The following SLC26A3 variants were observed in gnomAD, a reference collection of about 807,000 sequenced individuals.
SLC26A3 encodes solute carrier family 26 member 3.
Under a neutral mutation model 85.6 loss-of-function variants are expected in SLC26A3, and 64 were observed. That is an observed-to-expected ratio of 0.75 (90% confidence interval 0.61 to 0.92). SLC26A3 has a LOEUF of 0.92. Ranked by LOEUF, SLC26A3 falls within the 40% of genes least tolerant of loss-of-function variation. The pLI, the probability that SLC26A3 is intolerant of heterozygous loss-of-function variation, is 0.00. For synonymous variants in SLC26A3, 349 were observed against 336.0 expected, an observed-to-expected ratio of 1.04 and a Z score of -0.42; for missense variants, 922 against 927.3, an observed-to-expected ratio of 0.99 and a Z score of 0.07.
At chr7:107,782,386 A>C (rs1237240270) in intron 11 of SLC26A3, among the ~76,000 whole-genome samples, 4 of 152,190 alleles carry the variant, frequency 2.6e-5, no homozygotes, top group African/African-American at 9.7e-5. Flanking sequence ...AAGTTCTAGA[A>C]GCTTCAGGGT....
At chr7:107,792,782 A>G (rs781274890) in intron 3 of SLC26A3, among the ~76,000 whole-genome samples, 3 of 152,236 alleles carry the variant, frequency 2.0e-5, no homozygotes, top group Non-Finnish European at 4.4e-5. Context: ...TTCAAAGGAT[A>G]CTATCAAGAA....
At chr7:107,781,189 A>C (rs1794210191) in intron 11 of SLC26A3, among the ~76,000 whole-genome samples, 1 of 152,182 alleles carries the variant, frequency 6.6e-6, no homozygotes, top group South Asian at 2.1e-4. Context: ...TTCCGCAGTA[A>C]TCTGGTATCC....
At chr7:107,797,325 C>G (rs1241381947) in intron 1 of SLC26A3, among the ~76,000 whole-genome samples, 3 of 152,126 alleles carry the variant, frequency 2.0e-5, no homozygotes, top group Non-Finnish European at 2.9e-5. Context: ...GAAAACTTGT[C>G]TCTACTAAAA....
At chr7:107,801,985 G>C (rs910057470) in intron 1 of SLC26A3, among the ~76,000 whole-genome samples, 5 of 151,204 alleles carry the variant, frequency 3.3e-5, no homozygotes, top group Admixed American at 6.6e-5. Flanking sequence ...TCAGCTACTT[G>C]GGGGGCTGAG....
At position 107,798,680 on chromosome 7, in the gene SLC26A3, G is replaced by C. The variant is rs117535180; in HGVS notation, c.-88-4083C>G. Among the ~76,000 whole-genome samples the C allele has an allele frequency of 7.8e-3, 1,192 of 152,208 alleles. 9 individuals are homozygous for C. The highest frequency in any genetic ancestry group is 0.012 in the Non-Finnish European group (814 of 68,008). On this transcript the variant is annotated intron_variant, in intron 1 of 20. Transcript: ENST00000340010. The stretch of plus-strand genomic sequence containing the variant: ...GTCACATTAGATGCCTCCACTCTTG[G>C]ACAAGGCAGCTCCTAGCAGCATCAC...
At chr7:107,773,562 T>G (rs977741784) in intron 17 of SLC26A3, among the ~76,000 whole-genome samples, 2 of 152,344 alleles carry the variant, frequency 1.3e-5, no homozygotes, top group Middle Eastern at 3.4e-3. Context: ...CAGTTTTTTT[T>G]GTTGCTGTTT....
intron 5 of SLC26A3, among the ~76,000 whole-genome samples, chr7:107,790,387 C>T (rs1455422207): frequency 6.6e-6 from 1 of 152,174 alleles, no homozygotes; most frequent in African/African-American, 2.4e-5. Context: ...AAATAACTAA[C>T]CAAATTGTCA....
intron 12 of SLC26A3, 78 bp from the exon 13 acceptor site, chr7:107,778,359 A>AATTTT: frequency 2.6e-4 from 120 of 452,920 alleles, no homozygotes; most frequent in Middle Eastern, 5.6e-4. Context: ...TTTTAAAAAG[A>AATTTT]CTTTTTTTTT....
chr7:107,767,886 G>T lies in SLC26A3; in HGVS notation c.2085C>A (p.Asn695Lys), dbSNP rs752038202. The change falls in exon 19 of 21, where the codon AAC becomes AAA. Residue 695 changes from asparagine (N) to lysine (K), a missense_variant. Physicochemically the swap from Asn to Lys is moderately conservative, Grantham distance 94. Transcript: ENST00000340010. ...CTTCACCATCAAAAAATTCATACCG[G>T]TTAAGCTTCTCAATGAAGTCATCTG... ...GTDDDFIEKL[N>K]RYEFFDGEVK... The T allele has an allele frequency of 9.9e-6, 16 of 1,613,354 alleles. No homozygotes were observed. Among genetic ancestry groups the T allele is most frequent in the African/African-American group, 1.3e-5 (1 of 74,882 alleles).
chr7:107,775,628 G>C (rs1038008521), intron 15 of SLC26A3, among the ~76,000 whole-genome samples: 2 of 151,386 alleles, frequency 1.3e-5, no homozygotes, highest in Non-Finnish European at 2.9e-5. Flanking sequence ...TCTACTTGGG[G>C]GGCTGAGGTA....
chr7:107,787,493 A>C lies in SLC26A3; in HGVS notation c.752T>G (p.Phe251Cys), dbSNP rs769410426. Residue 251 changes from phenylalanine (F) to cysteine (C), a missense_variant, in exon 7 of 21, where the codon TTC becomes TGC. Coordinates refer to ENST00000340010, the MANE Select transcript of SLC26A3 (RefSeq NM_000111.3). ...VSIFKVLYSV[F>C]SQIEKTNIAD... is the part of the protein sequence containing the mutation. Reference sequence around the variant, plus strand: ...AATATTAGTCTTCTCTATTTGTGAGAATACAGAGTATAGTACCTACAATTA... The same window carrying C: ...AATATTAGTCTTCTCTATTTGTGAGCATACAGAGTATAGTACCTACAATTA... 1 of 1,613,636 alleles carries C rather than the reference A, an allele frequency of 6.2e-7. No homozygotes were observed. The highest frequency in any genetic ancestry group is 8.5e-7 in the Non-Finnish European group (1 of 1,179,780).
chr7:107,776,639 C>T lies in SLC26A3; in HGVS notation c.1582G>A (p.Asp528Asn), dbSNP rs1562876376. ...NIYKNKKDYY[D>N]MYEPEGVKIF... The stretch of plus-strand genomic sequence containing the variant: ...AGAAAAACATGAATCTCCCTTACAT[C>T]ATAATAATCTTTTTTATTCTTATAG... Residue 528 changes from aspartate (D) to asparagine (N), a missense_variant and splice_region_variant, in exon 14 of 21, where the codon GAT becomes AAT. Coordinates refer to ENST00000340010, the MANE Select transcript of SLC26A3 (RefSeq NM_000111.3). 1 of 1,613,160 alleles carries T rather than the reference C, an allele frequency of 6.2e-7. No individual in the cohort carries two copies. Among genetic ancestry groups the T allele is most frequent in the South Asian group, 1.1e-5 (1 of 91,042 alleles).
At position 107,803,112 on chromosome 7, in the gene SLC26A3, T is replaced by G. The variant is rs554796886; in HGVS notation, c.-90A>C. 1.3e-5 allele frequency: 2 copies of G among 152,352 alleles called. No individual in the cohort carries two copies. The highest frequency in any genetic ancestry group is 4.8e-5 in the African/African-American group (2 of 41,452). The allele number at this position is 152,352 out of a possible 1,614,324, so 9.4% of individuals were successfully genotyped here. ...AACAATCATAAATTTGGTTCCTACC[T>G]GACACATACTCTGTGAGGAGCTTCT... On this transcript the variant is annotated splice_region_variant and 5_prime_UTR_variant, in exon 1 of 21. Coordinates refer to ENST00000340010, the MANE Select transcript of SLC26A3 (RefSeq NM_000111.3).
chr7:107,782,718 G>A, intron 11 of SLC26A3, 79 bp downstream of exon 11: 1 of 1,314,798 alleles, frequency 7.6e-7, no homozygotes. Flanking sequence ...CCCTAGTTTA[G>A]TTTGTGCTTT....
intron 1 of SLC26A3, among the ~76,000 whole-genome samples, chr7:107,794,817 A>G (rs1266794579): frequency 6.6e-6 from 1 of 152,224 alleles, no homozygotes; most frequent in Admixed American, 6.5e-5. Context: ...AATTTGCCAA[A>G]AAGTAACAAA....
chr7:107,799,454 G>T (rs968026816), intron 1 of SLC26A3, among the ~76,000 whole-genome samples: 7 of 152,000 alleles, frequency 4.6e-5, no homozygotes, highest in African/African-American at 1.7e-4. Flanking sequence ...GCAGTGGCGC[G>T]ATTTCATTTC....
At chr7:107,786,933 G>C in intron 7 of SLC26A3, 24 bp from the exon 8 acceptor site, 1 of 1,594,064 alleles carries the variant, frequency 6.3e-7, no homozygotes, top group East Asian at 2.2e-5. Flanking sequence ...AATGGCCCAA[G>C]TTAGAAATGT....
intron 11 of SLC26A3, among the ~76,000 whole-genome samples, chr7:107,780,097 C>T (rs1794192342): frequency 6.6e-6 from 1 of 151,632 alleles, no homozygotes; most frequent in African/African-American, 2.4e-5. Context: ...GGAATAAATT[C>T]CTCCCAAGCA....
At chr7:107,794,745 T>G (rs984355726) in intron 1 of SLC26A3, 148 bp from the exon 2 acceptor site, 1 of 520,564 alleles carries the variant, frequency 1.9e-6, no homozygotes, top group African/African-American at 1.9e-5. Flanking sequence ...GCGACAGCGA[T>G]GTTTTATTCC....
Sources: allele counts gnomAD v4.1 joint callset (sites outside exome capture counted in the v4.1 genomes callset), GRCh38; gene constraint gnomAD v4.1.1; transcripts MANE v1.5; gene names NCBI Gene and HGNC (gene_info 2026-07-23, HGNC 2026-07-21).